CDH23: variants seen among roughly 807,000 people sequenced by gnomAD.
CDH23 encodes cadherin-23.
A neutral mutation model predicts 317.1 loss-of-function variants in CDH23; 189 were observed. That is an observed-to-expected ratio of 0.60 (90% CI 0.53 to 0.67). The LOEUF is 0.67. Ranked by LOEUF, CDH23 falls within the 30% of genes least tolerant of loss-of-function variation. The pLI is 0.00. For missense variants in CDH23, 4,401 were observed against 4,592.4 expected (o/e 0.96, Z 1.20); for synonymous variants, 1,839 against 1,876.8 (o/e 0.98, Z 0.52).
At chr10:71,523,837 C>A (rs35562054) in intron 6 of CDH23, among the ~76,000 whole-genome samples, 55,715 of 152,002 alleles carry the variant, frequency 0.37, 11,618 homozygotes, top group African/African-American at 0.58. Flanking sequence ...GGAAGGCTGG[C>A]GGGGTCTCAT....
intron 14 of CDH23, among the ~76,000 whole-genome samples, chr10:71,662,716 G>C (rs1394047501): frequency 2.0e-5 from 3 of 152,198 alleles, no homozygotes; most frequent in Non-Finnish European, 2.9e-5. Context: ...TGGCCCCAGA[G>C]AGGGCCCAAG....
intron 14 of CDH23, among the ~76,000 whole-genome samples, chr10:71,670,486 C>T (rs1021115870): frequency 6.6e-6 from 1 of 152,050 alleles, no homozygotes; most frequent in Non-Finnish European, 1.5e-5. Flanking sequence ...AGAGGGATGA[C>T]GAGGGGCTCC....
intron 5 of CDH23, 28 bp from the exon 6 acceptor site, chr10:71,511,092 C>T (rs772232046): frequency 1.8e-5 from 29 of 1,610,544 alleles, no homozygotes; most frequent in South Asian, 2.2e-5. Context: ...CAGGTGGCGG[C>T]GCTAATTGCC....
chr10:71,566,996 G>A (rs1253472832), intron 7 of CDH23, 60 bp downstream of exon 7: 1 of 1,514,310 alleles, frequency 6.6e-7, no homozygotes, highest in Non-Finnish European at 9.0e-7. Flanking sequence ...CTGGAAGAGA[G>A]TGACGGGGCA....
Position 71,616,316 on chromosome 10 carries a change from C to A in CDH23, c.945+700C>A, listed in dbSNP as rs952008110. On this transcript the variant is annotated intron_variant, in intron 10 of 69. Coordinates refer to ENST00000224721, the MANE Select transcript of CDH23 (RefSeq NM_022124.6). The stretch of plus-strand genomic sequence containing the variant: ...GGCTCTGGGAAGGAGGCCCTTCCAG[C>A]GCCATGGGGAGGATGGTGCAGCCCA... 2.1e-3 allele frequency among the ~76,000 whole-genome samples: 323 copies of A among 152,348 alleles called. 1 individual carries two copies. The highest frequency in any genetic ancestry group is 4.4e-4 in the Non-Finnish European group (30 of 68,026).
chr10:71,733,497 C>G (rs183294084), intron 32 of CDH23, among the ~76,000 whole-genome samples: 168 of 152,328 alleles, frequency 1.1e-3, no homozygotes, highest in African/African-American at 3.8e-3. Context: ...CAACCGAGGA[C>G]CCCACCAAGA....
At chr10:71,631,123 T>C (rs1167183876) in intron 11 of CDH23, among the ~76,000 whole-genome samples, 2 of 152,182 alleles carry the variant, frequency 1.3e-5, no homozygotes, top group African/African-American at 2.4e-5. Context: ...CGCACACTTG[T>C]AGTCCTAGCT....
chr10:71,592,080 G>A (rs1859530567), intron 9 of CDH23, among the ~76,000 whole-genome samples: 2 of 152,148 alleles, frequency 1.3e-5, no homozygotes, highest in Admixed American at 1.3e-4. Flanking sequence ...TGCAGAAAGG[G>A]AAAGATGCAA....
At chr10:71,675,010 A>G in intron 14 of CDH23, 102 bp from the exon 15 acceptor site, 2 of 1,064,072 alleles carry the variant, frequency 1.9e-6, no homozygotes, top group Non-Finnish European at 2.9e-6. Context: ...CAGAAAATTC[A>G]CCCTGGGCCA....
At chr10:71,727,814 G>T (rs1464315649) in intron 30 of CDH23, among the ~76,000 whole-genome samples, 2 of 152,194 alleles carry the variant, frequency 1.3e-5, no homozygotes, top group African/African-American at 4.8e-5. Flanking sequence ...AGCAGGTCTG[G>T]TTCTCCAGGA....
intron 9 of CDH23, among the ~76,000 whole-genome samples, chr10:71,615,168 C>G (rs922653513): frequency 6.6e-6 from 1 of 152,142 alleles, no homozygotes; most frequent in Non-Finnish European, 1.5e-5. Context: ...CTGAAGCCTG[C>G]TCTCTCTTTG....
chr10:71,516,152 A>C (rs1262205110), intron 6 of CDH23, among the ~76,000 whole-genome samples: 1 of 152,206 alleles, frequency 6.6e-6, no homozygotes, highest in African/African-American at 2.4e-5. Context: ...TGTCCTTTGC[A>C]GGTCCCCACT....
At chr10:71,724,143 T>C in intron 29 of CDH23, 38 bp downstream of exon 29, 2 of 1,547,622 alleles carry the variant, frequency 1.3e-6, no homozygotes, top group Non-Finnish European at 1.7e-6. Context: ...GCGGTCCTCC[T>C]GCCCAGGGGA....
chr10:71,778,387 G>A (rs1318237107), intron 40 of CDH23, 79 bp downstream of exon 40: 8 of 1,561,046 alleles, frequency 5.1e-6, no homozygotes, highest in Middle Eastern at 1.8e-4. Flanking sequence ...GATGCGGGAA[G>A]GGGTTAGGGG....
At chr10:71,803,481 A>T (rs573457009) in intron 55 of CDH23, 61 bp downstream of exon 55, 173 of 1,440,466 alleles carry the variant, frequency 1.2e-4, no homozygotes, top group Non-Finnish European at 1.5e-4. Flanking sequence ...TGTGGCCTAG[A>T]AGAGTGGAAG....
chr10:71,559,991 C>G (rs1006153866), intron 6 of CDH23, among the ~76,000 whole-genome samples: 1 of 152,220 alleles, frequency 6.6e-6, no homozygotes, highest in Non-Finnish European at 1.5e-5. Flanking sequence ...TGCTTCTCTC[C>G]CCTATACTGT....
chr10:71,570,882 G>T lies in CDH23; in HGVS notation c.717G>T (p.Leu239=). The T allele has an allele frequency of 6.2e-7, 1 of 1,613,940 alleles. No individual in the cohort carries two copies. Among genetic ancestry groups the T allele is most frequent in the Non-Finnish European group, 8.5e-7 (1 of 1,179,860 alleles). Reference sequence around the variant, plus strand: ...ACATGGACCCCATCTTCATCAACCTGCCTTACAGCACCAACATCTACGAGC... The same window carrying T: ...ACATGGACCCCATCTTCATCAACCTTCCTTACAGCACCAACATCTACGAGC... The part of the protein sequence containing the change: ...VQDMDPIFIN[L]PYSTNIYEHS... Residue 239 remains leucine (L), a synonymous_variant, in exon 8 of 70, where the codon CTG becomes CTT. Coordinates refer to ENST00000224721, the MANE Select transcript of CDH23 (RefSeq NM_022124.6).
chr10:71,798,424 C>G lies in CDH23; in HGVS notation c.6900C>G (p.Tyr2300Ter). 2 of 1,613,986 alleles carry G rather than the reference C, an allele frequency of 1.2e-6. No individual in the cohort carries two copies. Among genetic ancestry groups the G allele is most frequent in the Non-Finnish European group, 1.7e-6 (2 of 1,179,850 alleles). ...TPQFKPFGIT[Y>*]YMERILEGAT... is the part of the protein sequence containing the mutation. The stretch of plus-strand genomic sequence containing the variant: ...AGTTCAAGCCCTTTGGGATCACCTA[C>G]TACATGGAGCGGATCCTGGAGGGGG... The change falls in exon 50 of 70, where the codon TAC becomes TAG. Residue 2300 changes from tyrosine (Y) to a stop codon, truncating the protein, a stop_gained. Coordinates refer to ENST00000224721, the MANE Select transcript of CDH23 (RefSeq NM_022124.6). LOFTEE classifies it high-confidence loss of function.
chr10:71,423,375 C>T (rs114595003), intron 1 of CDH23, among the ~76,000 whole-genome samples: 2,944 of 152,298 alleles, frequency 0.019, 86 homozygotes, highest in African/African-American at 0.067. Context: ...GGCTTGGCAA[C>T]AATCAAATGT....
Sources: allele counts gnomAD v4.1 joint callset (sites outside exome capture counted in the v4.1 genomes callset), GRCh38; gene constraint gnomAD v4.1.1; transcripts MANE v1.5; gene names NCBI Gene and HGNC (gene_info 2026-07-23, HGNC 2026-07-21).